Variants in RBBP4 observed in about 807,000 individuals in gnomAD.
RBBP4 encodes RB binding protein 4, chromatin remodeling factor, also known as histone-binding protein RBBP4.
A neutral mutation model predicts 57.2 loss-of-function variants in RBBP4; 3 were observed. The ratio of observed to expected loss-of-function variants is 0.05; its 90% CI spans 0.02 to 0.14. The LOEUF is 0.14. Among genes scored for constraint, RBBP4 ranks in the 10% least tolerant of loss-of-function variants. The pLI is 1.00. For synonymous variants in RBBP4, 151 were observed against 171.5 expected, an observed-to-expected ratio of 0.88 and a Z score of 0.93; for missense variants, 107 against 520.6, an observed-to-expected ratio of 0.21 and a Z score of 7.73.
chr1:32,678,362 G>T (rs1428673081), intron 11 of RBBP4, among the ~76,000 whole-genome samples: 5 of 151,860 alleles, frequency 3.3e-5, no homozygotes, highest in Non-Finnish European at 7.4e-5. Context: ...AAATAGCTGG[G>T]ATTACAGGCG....
At chr1:32,677,071 C>G (rs761877588) in intron 11 of RBBP4, among the ~76,000 whole-genome samples, 2 of 152,042 alleles carry the variant, frequency 1.3e-5, no homozygotes, top group Non-Finnish European at 2.9e-5. Flanking sequence ...GGTCTTTGTC[C>G]CAGTTCTTGG....
intron 2 of RBBP4, among the ~76,000 whole-genome samples, chr1:32,656,076 C>T (rs1203215852): frequency 1.3e-5 from 2 of 152,326 alleles, no homozygotes; most frequent in East Asian, 1.9e-4. Flanking sequence ...CAGTTTTAAT[C>T]GGCCTTCTCT....
chr1:32,674,181 G>A (rs1386250052), intron 11 of RBBP4, among the ~76,000 whole-genome samples: 1 of 152,172 alleles, frequency 6.6e-6, no homozygotes, highest in East Asian at 1.9e-4. Context: ...TAATGCCACT[G>A]AACTGTACAC....
At position 32,668,335 on chromosome 1, in the gene RBBP4, G is replaced by A. The variant is rs1479309348; in HGVS notation, c.421G>A (p.Ala141Thr). 1.9e-6 allele frequency: 3 copies of A among 1,609,766 alleles called. No individual in the cohort carries two copies. Among genetic ancestry groups the A allele is most frequent in the Non-Finnish European group, 1.7e-6 (2 of 1,176,126 alleles). Residue 141 changes from alanine to threonine, a missense_variant, in exon 4 of 12, where the codon GCA (alanine) becomes ACA (threonine). Around this residue, in one of 3 missense-constraint regions of RBBP4, gnomAD observed 92 missense variants for 408.5 expected, o/e 0.23. Transcript: ENST00000373493. ...RYMPQNPCIIATKTPSSDVLV... is the reference protein window; with the variant it reads ...RYMPQNPCIITTKTPSSDVLV... ...TATGCCCCAGAACCCTTGTATCATC[G>A]CAACAAAGACTCCTTCCAGTGATGT...
At chr1:32,675,501 G>A (rs1649060727) in intron 11 of RBBP4, among the ~76,000 whole-genome samples, 1 of 150,612 alleles carries the variant, frequency 6.6e-6, no homozygotes, top group South Asian at 2.2e-4. Context: ...CAGGTGCGGT[G>A]GCTCACGCCT....
intron 2 of RBBP4, among the ~76,000 whole-genome samples, chr1:32,654,193 T>G (rs1288625280): frequency 6.6e-6 from 1 of 151,818 alleles, no homozygotes; most frequent in Non-Finnish European, 1.5e-5. Flanking sequence ...GGCAACATGG[T>G]GAAAAGCCCG....
intron 11 of RBBP4, among the ~76,000 whole-genome samples, chr1:32,677,470 T>TAAA (rs10626684): frequency 0.78 from 115,301 of 147,000 alleles, 46,984 homozygotes; most frequent in Non-Finnish European, 0.9. Flanking sequence ...ATCCTTTATT[T>TAAA]AAAAAAAAAA....
rs1018406052 is a variant in RBBP4 at position 32,669,878 on chromosome 1, G to T, written c.966+315G>T. On this transcript the variant is annotated intron_variant, in intron 8 of 11. Transcript: ENST00000373493. This position sits in a 1 kb window ranked among gnomAD's most constrained non-coding sequence, Gnocchi z 4.9. Reference sequence around the variant, plus strand: ...TGCACTCTAGCCTGGGCGACAGAACGAGAGTCCGTCTCAAAAAAAAAGAAA... The same window carrying T: ...TGCACTCTAGCCTGGGCGACAGAACTAGAGTCCGTCTCAAAAAAAAAGAAA... Among the ~76,000 whole-genome samples, 3 of 132,086 alleles carry T rather than the reference G, an allele frequency of 2.3e-5. No homozygotes were observed. The highest frequency in any genetic ancestry group is 8.3e-5 in the African/African-American group (3 of 35,934). 86.7% of individuals were successfully genotyped at this position (132,086 alleles called of 152,430 possible). A position where few individuals can be genotyped will look rare whatever the true frequency, so the allele number is the denominator to read the frequency against.
chr1:32,666,256 G>A (rs957603647), intron 3 of RBBP4, among the ~76,000 whole-genome samples: 1 of 152,118 alleles, frequency 6.6e-6, no homozygotes, highest in African/African-American at 2.4e-5. Context: ...AATGCAAGAA[G>A]GGCACTTTAG....
chr1:32,663,108 CAA>C (rs948494089), intron 3 of RBBP4, among the ~76,000 whole-genome samples: 5 of 152,026 alleles, frequency 3.3e-5, no homozygotes, highest in South Asian at 4.1e-4. Flanking sequence ...TTCATGGACT[CAA>C]AAAGTGGCTC....
In RBBP4 at chr1:32,668,292, A is replaced by G. The variant is rs777994271; in HGVS notation, c.378A>G (p.Glu126=). The G allele has an allele frequency of 7.4e-6, 12 of 1,612,468 alleles. No individual in the cohort carries two copies. Among genetic ancestry groups the G allele is most frequent in the South Asian group, 3.3e-5 (3 of 91,004 alleles). ...AAATCAAGATCAACCATGAAGGAGAAGTAAACAGGGCCCGTTATATGCCCC... is the reference window on the plus strand; with the variant it reads ...AAATCAAGATCAACCATGAAGGAGAGGTAAACAGGGCCCGTTATATGCCCC... ...EIEIKINHEG[E]VNRARYMPQN... is the part of the protein sequence containing the mutation. Residue 126 remains glutamate (E), a synonymous_variant, in exon 4 of 12, where the codon GAA becomes GAG. Coordinates refer to ENST00000373493, the MANE Select transcript of RBBP4 (RefSeq NM_005610.3).
At chr1:32,651,546 G>A in intron 1 of RBBP4, 2 of 1,218,942 alleles carry the variant, frequency 1.6e-6, no homozygotes, top group South Asian at 2.3e-5. Context: ...CCCGGCCAGT[G>A]TTTGTTTCTC....
At position 32,675,093 on chromosome 1, in the gene RBBP4, C is replaced by T. The variant is rs1156748057; in HGVS notation, c.1212+2192C>T. ...TTTTCCAGCCTGGAGTGCAATGGTGCGATCTTGGCTCTCTGCAACCTCCGC... is the reference window on the plus strand; with the variant it reads ...TTTTCCAGCCTGGAGTGCAATGGTGTGATCTTGGCTCTCTGCAACCTCCGC... On this transcript the variant is annotated intron_variant, in intron 11 of 11. Coordinates refer to ENST00000373493, the MANE Select transcript of RBBP4 (RefSeq NM_005610.3). Among the ~76,000 whole-genome samples the T allele has an allele frequency of 2.6e-5, 4 of 151,358 alleles. No homozygotes were observed. In the East Asian group the frequency reaches 5.9e-4, roughly 22 times the overall value.
intron 2 of RBBP4, among the ~76,000 whole-genome samples, chr1:32,655,150 G>C (rs1399677557): frequency 2.0e-5 from 3 of 151,784 alleles, no homozygotes; most frequent in South Asian, 2.1e-4. Context: ...TACCATACCT[G>C]GCTAATTTTT....
In RBBP4 at chr1:32,681,708, A is replaced by G; in HGVS notation, c.*2003A>G. ...AATCTTTTTAAGCAGGTCAGCCAGT[A>G]TTTGCAACTTCCACAGGATGAATTG... On this transcript the variant is annotated 3_prime_UTR_variant, in exon 12 of 12. Coordinates refer to ENST00000373493, the MANE Select transcript of RBBP4 (RefSeq NM_005610.3). 1.5e-6 allele frequency: 2 copies of G among 1,345,376 alleles called. No individual in the cohort carries two copies. The highest frequency in any genetic ancestry group is 1.4e-5 in the African/African-American group (1 of 69,234). 83.3% of individuals were successfully genotyped at this position (1,345,376 alleles called of 1,614,324 possible). A position where few individuals can be genotyped will look rare whatever the true frequency, so the allele number is the denominator to read the frequency against.
rs776303838 is a variant in RBBP4 at position 32,668,752 on chromosome 1, G to A, written c.498G>A (p.Glu166=). The A allele has an allele frequency of 1.9e-6, 3 of 1,612,750 alleles. No individual in the cohort carries two copies. The highest frequency in any genetic ancestry group is 2.5e-6 in the Non-Finnish European group (3 of 1,179,956). Residue 166 remains glutamate (E), a synonymous_variant, in exon 5 of 12, where the codon GAG becomes GAA. Coordinates refer to ENST00000373493, the MANE Select transcript of RBBP4 (RefSeq NM_005610.3). ...GTCACTTTGCAGATCCTTCTGGAGAGTGCAACCCAGACTTGCGTCTCCGTG... is the reference window on the plus strand; with the variant it reads ...GTCACTTTGCAGATCCTTCTGGAGAATGCAACCCAGACTTGCGTCTCCGTG... The part of the protein sequence containing the change: ...KHPSKPDPSG[E]CNPDLRLRGH...
At chr1:32,675,935 A>T (rs908615038) in intron 11 of RBBP4, among the ~76,000 whole-genome samples, 4 of 151,370 alleles carry the variant, frequency 2.6e-5, no homozygotes, top group African/African-American at 4.9e-5. Flanking sequence ...TACCAAAAAA[A>T]AATTAGCCAG....
intron 8 of RBBP4, among the ~76,000 whole-genome samples, chr1:32,671,538 A>G (rs1277907972): frequency 6.6e-6 from 1 of 151,804 alleles, no homozygotes; most frequent in African/African-American, 2.4e-5. Context: ...AACTGAGATC[A>G]CCCCACAAGA....
rs1175223561 is a variant in RBBP4, at chr1:32,652,067, A to G, written c.164+6A>G. 4.3e-6 allele frequency: 7 copies of G among 1,609,306 alleles called. No individual in the cohort carries two copies. The highest frequency in any genetic ancestry group is 5.9e-6 in the Non-Finnish European group (7 of 1,177,976). Reference sequence around the variant, plus strand: ...TGGCTTCCAGATGTAACCAGGTGACATGACTCTCCCGAACGTTATTTTGAT... The same window carrying G: ...TGGCTTCCAGATGTAACCAGGTGACGTGACTCTCCCGAACGTTATTTTGAT... On this transcript the variant is annotated splice_donor_region_variant and intron_variant, in intron 2 of 11. Coordinates refer to ENST00000373493, the MANE Select transcript of RBBP4 (RefSeq NM_005610.3).
Sources: gnomAD v4.1 joint callset for allele counts (sites outside exome capture counted in the v4.1 genomes callset) on GRCh38, gnomAD v4.1.1 for gene constraint, gnomAD v4.1.1 regional missense constraint, Gnocchi (gnomAD v3.1) non-coding constraint, MANE v1.5 for transcripts, NCBI Gene and HGNC (gene_info 2026-07-23, HGNC 2026-07-21) for gene names.